Variants in CLASP1 observed in about 807,000 individuals in gnomAD.
The protein encoded by CLASP1 is cytoplasmic linker associated protein 1.
Under a neutral mutation model 192.3 loss-of-function variants are expected in CLASP1, and 38 were observed. The observed-to-expected ratio is 0.20, with a 90% CI of 0.15 to 0.26. The LOEUF is 0.26. Ranked by LOEUF, CLASP1 falls within the 10% of genes least tolerant of loss-of-function variation. CLASP1 has a pLI of 1.00. For synonymous variants in CLASP1, 691 were observed against 712.8 expected (o/e 0.97, Z 0.49); for missense variants, 1,433 against 1,932.5 (o/e 0.74, Z 4.85).
At chr2:121,446,102 T>C (rs893518095) in intron 19 of CLASP1, among the ~76,000 whole-genome samples, 2 of 152,362 alleles carry the variant, frequency 1.3e-5, no homozygotes, top group Admixed American at 6.5e-5. Context: ...GAGTTCTTAA[T>C]GAATTTCTTC....
intron 6 of CLASP1, among the ~76,000 whole-genome samples, chr2:121,522,330 A>G (rs1344855020): frequency 6.6e-6 from 1 of 152,106 alleles, no homozygotes. Flanking sequence ...CAAAACAAAT[A>G]ATAAGAAGTT....
chr2:121,469,790 C>T lies in CLASP1; in HGVS notation c.865+18G>A. Reference sequence around the variant, plus strand: ...TGGCATAGCTGACCCCAGAACGCCACACAGGGCTTAGACTAACCTGAAGAC... The same window carrying T: ...TGGCATAGCTGACCCCAGAACGCCATACAGGGCTTAGACTAACCTGAAGAC... On this transcript the variant is annotated intron_variant, in intron 9 of 39. Coordinates refer to ENST00000263710, the Ensembl canonical transcript of CLASP1. 6.3e-7 allele frequency: 1 copy of T among 1,599,416 alleles called. No homozygotes were observed. Among genetic ancestry groups the T allele is most frequent in the African/African-American group, 1.3e-5 (1 of 74,140 alleles).
intron 1 of CLASP1, among the ~76,000 whole-genome samples, chr2:121,640,518 C>T (rs1391510224): frequency 6.6e-6 from 1 of 152,182 alleles, no homozygotes; most frequent in Non-Finnish European, 1.5e-5. Flanking sequence ...CTAAAAAGGA[C>T]TGTACAGTCA....
chr2:121,445,455 C>A (rs1321449149), intron 19 of CLASP1: 10 of 1,289,356 alleles, frequency 7.8e-6, no homozygotes, highest in Non-Finnish European at 1.0e-5. Context: ...GTACCTGAGT[C>A]CAGGCCTATG....
Position 121,431,650 on chromosome 2 carries a change from T to TA in CLASP1, c.1913-1474dup, listed in dbSNP as rs199636507. 7.0e-3 allele frequency among the ~76,000 whole-genome samples: 1,064 copies of TA among 152,144 alleles called. 9 individuals carry two copies. The highest frequency in any genetic ancestry group is 0.061 in the Middle Eastern group (18 of 294). ...AATGAACATGTATACTCATTTAGCTTAAAAAATAAAAACTCTCTTTGCTAA... is the reference window on the plus strand; with the variant it reads ...AATGAACATGTATACTCATTTAGCTTAAAAAAATAAAAACTCTCTTTGCTAA... On this transcript the variant is annotated intron_variant, in intron 19 of 39. Transcript: ENST00000263710.
rs1182175340 is a variant in CLASP1 at position 121,635,220 on chromosome 2, AAGAAAAGAAAAG to A, written c.-286+14140_-286+14151del. ...CGAGATTGCGTCTGTAAAAAAAAAA[AAGAAAAGAAAAG>A]AAAAGAAAAGAAAGAAAATGACTCT... On this transcript the variant is annotated intron_variant, in intron 1 of 39. Coordinates refer to ENST00000263710, the Ensembl canonical transcript of CLASP1. 4.3e-4 allele frequency among the ~76,000 whole-genome samples: 64 copies of A among 148,308 alleles called. No homozygotes were observed. In the South Asian group the frequency reaches 0.013, roughly 31 times the overall value.
In CLASP1 at chr2:121,387,675, G is replaced by A. The variant is rs543621250; in HGVS notation, c.3267+88C>T. 22 of 1,294,208 alleles carry A rather than the reference G, an allele frequency of 1.7e-5. No homozygotes were observed. The East Asian group carries it at 3.6e-4, about 21-fold the overall frequency. The allele number at this position is 1,294,208 out of a possible 1,614,324, so 80.2% of individuals were successfully genotyped here. ...ATTTCCTGAAAGAGGACAAGGAAAC[G>A]GGGTATTCTATTAGAGTAGGTTCTA... On this transcript the variant is annotated intron_variant, in intron 31 of 39. Coordinates refer to ENST00000263710, the Ensembl canonical transcript of CLASP1.
intron 8 of CLASP1, among the ~76,000 whole-genome samples, chr2:121,475,434 T>C (rs911977881): frequency 2.6e-5 from 4 of 152,234 alleles, no homozygotes; most frequent in Admixed American, 1.3e-4. Context: ...AATTCCACTA[T>C]GTGGAATGAG....
intron 2 of CLASP1, chr2:121,531,111 T>C: frequency 3.1e-6 from 2 of 638,622 alleles, no homozygotes; most frequent in Non-Finnish European, 5.8e-6. Flanking sequence ...GACGCGTGGT[T>C]TTAGTGTCGC....
At chr2:121,469,855 C>G (rs961186300) in exon 9 of CLASP1, 9 of 1,613,718 alleles carry the variant, frequency 5.6e-6, no homozygotes, top group Non-Finnish European at 7.6e-6. Context: ...GCGGGTGGTT[C>G]CCATTCCAAC....
intron 7 of CLASP1, among the ~76,000 whole-genome samples, chr2:121,511,235 T>A (rs1295242618): frequency 6.6e-6 from 1 of 152,190 alleles, no homozygotes; most frequent in Admixed American, 6.5e-5. Flanking sequence ...CTTACCAAAA[T>A]TAAAATATGA....
Position 121,617,472 on chromosome 2 carries a change from A to ATGCACAC in CLASP1, c.-285-11299_-285-11293dup, listed in dbSNP as rs528453464. Among the ~76,000 whole-genome samples the ATGCACAC allele has an allele frequency of 2.4e-4, 36 of 152,238 alleles. No individual in the cohort carries two copies. In the East Asian group the frequency reaches 6.9e-3, roughly 29 times the overall value. ...TTGTCTACACCAGCCAGCTCCACTG[A>ATGCACAC]TGCACACTTCCTGTCCCCTCCACAG... On this transcript the variant is annotated intron_variant, in intron 1 of 39. Coordinates refer to ENST00000263710, the Ensembl canonical transcript of CLASP1.
intron 32 of CLASP1, among the ~76,000 whole-genome samples, chr2:121,385,850 TC>T (rs2073072314): frequency 6.6e-6 from 1 of 152,226 alleles, no homozygotes; most frequent in Non-Finnish European, 1.5e-5. Context: ...ACCATCATAT[TC>T]AAAAGTCAAG....
intron 2 of CLASP1, among the ~76,000 whole-genome samples, chr2:121,592,276 T>A (rs1483526539): frequency 1.3e-5 from 2 of 152,246 alleles, no homozygotes; most frequent in Non-Finnish European, 2.9e-5. Context: ...TCTTTTTGTA[T>A]TCCCTTCATA....
At chr2:121,575,319 C>G (rs1222772500) in intron 2 of CLASP1, among the ~76,000 whole-genome samples, 1 of 152,016 alleles carries the variant, frequency 6.6e-6, no homozygotes, top group Non-Finnish European at 1.5e-5. Flanking sequence ...GTTGGCCAGG[C>G]TGGTCTTAAA....
chr2:121,423,874 G>A (rs1198583313), intron 22 of CLASP1, among the ~76,000 whole-genome samples: 1 of 152,172 alleles, frequency 6.6e-6, no homozygotes, highest in Admixed American at 6.5e-5. Context: ...ATCTTCTCCT[G>A]CCTTCTCGTA....
At chr2:121,577,063 T>A (rs2060590420) in intron 2 of CLASP1, among the ~76,000 whole-genome samples, 1 of 152,072 alleles carries the variant, frequency 6.6e-6, no homozygotes, top group African/African-American at 2.4e-5. Flanking sequence ...ATAGGTAAAA[T>A]GATAGGACAC....
At chr2:121,342,720 C>G (rs761223201) in intron 39 of CLASP1, among the ~76,000 whole-genome samples, 1 of 152,068 alleles carries the variant, frequency 6.6e-6, no homozygotes, top group Admixed American at 6.6e-5. Context: ...GTGGGAGAAT[C>G]GTTTGAAACC....
intron 2 of CLASP1, among the ~76,000 whole-genome samples, chr2:121,537,046 T>TG (rs1452025598): frequency 6.6e-6 from 1 of 152,186 alleles, no homozygotes; most frequent in Non-Finnish European, 1.5e-5. Flanking sequence ...ATAATGGTGA[T>TG]GGTTGTATAA....
Sources: allele counts gnomAD v4.1 joint callset (sites outside exome capture counted in the v4.1 genomes callset), GRCh38; gene constraint gnomAD v4.1.1; transcripts MANE v1.5; gene names NCBI Gene and HGNC (gene_info 2026-07-23, HGNC 2026-07-21).